The following ZHX3 variants were observed in gnomAD, a reference collection of about 807,000 sequenced individuals.
ZHX3 encodes zinc fingers and homeoboxes protein 3.
ZHX3 carries 20 observed loss-of-function variants against 64.5 expected under a neutral mutation model. The observed-to-expected ratio is 0.31, with a 90% confidence interval of 0.22 to 0.45. The LOEUF (loss-of-function observed/expected upper bound fraction) is 0.45, where lower values mean the gene tolerates loss of function less well. Among genes scored for constraint, ZHX3 ranks in the 20% least tolerant of loss-of-function variants. The pLI, the probability that ZHX3 is intolerant of heterozygous loss-of-function variation, is 1.00. For missense variants in ZHX3, 1,041 were observed against 1,195.8 expected (o/e 0.87, Z 1.91); for synonymous variants, 423 against 461.6 (o/e 0.92, Z 1.07).
intron 1 of ZHX3, among the ~76,000 whole-genome samples, chr20:41,277,624 C>G (rs774093661): frequency 5.9e-5 from 9 of 151,328 alleles, no homozygotes; most frequent in Non-Finnish European, 1.3e-4. Flanking sequence ...CAGAGTCTCG[C>G]TCTGTCGCCC....
chr20:41,187,563 C>G (rs1320466155), intron 3 of ZHX3, among the ~76,000 whole-genome samples: 4 of 152,122 alleles, frequency 2.6e-5, no homozygotes, highest in African/African-American at 9.7e-5. Context: ...CTTTGCACCC[C>G]TGTCAAAAAT....
intron 3 of ZHX3, among the ~76,000 whole-genome samples, chr20:41,193,800 A>G (rs1428218542): frequency 6.6e-6 from 1 of 150,876 alleles, no homozygotes; most frequent in African/African-American, 2.4e-5. Flanking sequence ...TCTGCCTGCC[A>G]GGCTCAAGTG....
intron 1 of ZHX3, among the ~76,000 whole-genome samples, chr20:41,310,698 A>C (rs893925145): frequency 1.3e-5 from 2 of 152,076 alleles, no homozygotes; most frequent in Middle Eastern, 6.8e-3. Context: ...TTTTTTAAAG[A>C]AAGCTATCTT....
At chr20:41,302,587 C>A (rs1264769383) in intron 1 of ZHX3, among the ~76,000 whole-genome samples, 2 of 152,210 alleles carry the variant, frequency 1.3e-5, no homozygotes, top group Non-Finnish European at 2.9e-5. Flanking sequence ...CCACACACAC[C>A]CAATTCACCA....
intron 2 of ZHX3, among the ~76,000 whole-genome samples, chr20:41,238,233 C>T (rs917958441): frequency 1.3e-5 from 2 of 152,176 alleles, no homozygotes; most frequent in African/African-American, 4.8e-5. Context: ...TTATGTCGAA[C>T]TCATAGATGC....
chr20:41,269,587 G>A (rs76749716), intron 1 of ZHX3: 4,661 of 152,066 alleles, frequency 0.031, 113 homozygotes, highest in Non-Finnish European at 0.039. Context: ...TGGCACTTTC[G>A]GTAAATGAAT....
intron 2 of ZHX3, among the ~76,000 whole-genome samples, chr20:41,261,700 G>A (rs2042571642): frequency 6.6e-6 from 1 of 152,112 alleles, no homozygotes; most frequent in African/African-American, 2.4e-5. Flanking sequence ...ACTGATCTTT[G>A]CCAACAGCCA....
intron 1 of ZHX3, chr20:41,290,320 T>C (rs894006042): frequency 2.0e-5 from 3 of 152,242 alleles, no homozygotes; most frequent in Non-Finnish European, 2.9e-5. Flanking sequence ...TGGAGTACAG[T>C]GGCTATTCAC....
In ZHX3 at chr20:41,228,022, G is replaced by A. The variant is rs1477009251; in HGVS notation, c.-150-22956C>T. Among the ~76,000 whole-genome samples the A allele has an allele frequency of 6.6e-6, 1 of 151,806 alleles. No individual in the cohort carries two copies. The highest frequency in any genetic ancestry group is 1.5e-5 in the Non-Finnish European group (1 of 67,976). ...AGGCCCCATTCCTTCCTCTCCTTCT[G>A]CCCAAACCACTTGCACCAAGGTCAT... On this transcript the variant is annotated intron_variant, in intron 2 of 3. Transcript: ENST00000683867. The surrounding 1 kb of genome is among the most constrained non-coding windows in gnomAD (Gnocchi z 4.6).
chr20:41,315,967 A>G (rs1173228001), intron 1 of ZHX3, among the ~76,000 whole-genome samples: 1 of 151,434 alleles, frequency 6.6e-6, no homozygotes, highest in Non-Finnish European at 1.5e-5. Context: ...AGAAAAAAGC[A>G]CTCCACCATG....
rs879857285 is a variant in ZHX3, at chr20:41,212,758, T to C, written c.-150-7692A>G. Among the ~76,000 whole-genome samples the C allele has an allele frequency of 2.0e-5, 3 of 151,496 alleles. No individual in the cohort carries two copies. Among genetic ancestry groups the C allele is most frequent in the Non-Finnish European group, 2.9e-5 (2 of 67,884 alleles). On this transcript the variant is annotated intron_variant, in intron 2 of 3. Transcript: ENST00000683867. The surrounding 1 kb of genome is among the most constrained non-coding windows in gnomAD (Gnocchi z 4.3). ...GTTGCAGTGAGCCAAGATCATGCCA[T>C]TGTACTCCAGCCTGGGCAACAAGAG... is the stretch of plus-strand genomic sequence containing the variant.
intron 1 of ZHX3, among the ~76,000 whole-genome samples, chr20:41,281,100 T>C (rs780226162): frequency 1.3e-5 from 2 of 152,200 alleles, no homozygotes; most frequent in Admixed American, 6.5e-5. Flanking sequence ...TTAGGAAGCA[T>C]GCTAACTGTA....
chr20:41,192,826 G>A (rs1385782413), intron 3 of ZHX3, among the ~76,000 whole-genome samples: 1 of 152,206 alleles, frequency 6.6e-6, no homozygotes, highest in Non-Finnish European at 1.5e-5. Flanking sequence ...CAGTTCCATT[G>A]AACAATCTCC....
chr20:41,228,804 T>A lies in ZHX3; in HGVS notation c.-150-23738A>T, dbSNP rs2040426189. ...CTTATTTTTTTCCTAGTTTCCTTTATTCACATCTCTCTTTTCTCTTTTCCC... is the reference window on the plus strand; with the variant it reads ...CTTATTTTTTTCCTAGTTTCCTTTAATCACATCTCTCTTTTCTCTTTTCCC... On this transcript the variant is annotated intron_variant, in intron 2 of 3. Transcript: ENST00000683867. The surrounding 1 kb of genome is among the most constrained non-coding windows in gnomAD (Gnocchi z 4.6). 6.6e-6 allele frequency among the ~76,000 whole-genome samples: 1 copy of A among 152,254 alleles called. No homozygotes were observed. Among genetic ancestry groups the A allele is most frequent in the Non-Finnish European group, 1.5e-5 (1 of 68,048 alleles).
At chr20:41,312,865 G>A (rs767456553) in intron 1 of ZHX3, among the ~76,000 whole-genome samples, 7 of 152,148 alleles carry the variant, frequency 4.6e-5, no homozygotes, top group Non-Finnish European at 7.4e-5. Context: ...CCACCAAGCA[G>A]GGGGGTGGCA....
At chr20:41,194,377 T>C (rs1011809623) in intron 3 of ZHX3, among the ~76,000 whole-genome samples, 2 of 152,154 alleles carry the variant, frequency 1.3e-5, no homozygotes, top group Admixed American at 6.5e-5. Context: ...GTGAATTACA[T>C]TGATATTCAT....
In ZHX3 at chr20:41,181,234, G is replaced by A. The variant is rs986252461; in HGVS notation, c.*3957C>T. On this transcript the variant is annotated 3_prime_UTR_variant, in exon 4 of 4. Coordinates refer to ENST00000683867, the MANE Select transcript of ZHX3 (RefSeq NM_001384317.1). ...TTGCCCTGGAAGACTTGACTATGTG[G>A]GCCTTCATGTGTCTAGAGGATTTTT... The A allele has an allele frequency of 6.6e-6, 1 of 152,138 alleles. No individual in the cohort carries two copies. The highest frequency in any genetic ancestry group is 1.5e-5 in the Non-Finnish European group (1 of 68,052). The allele number at this position is 152,138 out of a possible 1,614,324, so 9.4% of individuals were successfully genotyped here.
At chr20:41,251,773 A>G (rs6029591) in intron 2 of ZHX3, among the ~76,000 whole-genome samples, 1,851 of 152,296 alleles carry the variant, frequency 0.012, 24 homozygotes, top group African/African-American at 0.034. Context: ...TTTTTGATAC[A>G]GAAAAATATT....
At chr20:41,235,230 G>A (rs2040894133) in intron 2 of ZHX3, among the ~76,000 whole-genome samples, 1 of 152,096 alleles carries the variant, frequency 6.6e-6, no homozygotes, top group African/African-American at 2.4e-5. Flanking sequence ...AACCGGCTGT[G>A]TATAGCTAAA....
Sources: allele counts gnomAD v4.1 joint callset (sites outside exome capture counted in the v4.1 genomes callset), GRCh38; gene constraint gnomAD v4.1.1; non-coding constraint Gnocchi (gnomAD v3.1); transcripts MANE v1.5; gene names NCBI Gene and HGNC (gene_info 2026-07-23, HGNC 2026-07-21).